LAMB3: variants seen among roughly 807,000 people sequenced by gnomAD.
The protein encoded by LAMB3 is laminin subunit beta 3.
Under a neutral mutation model 140.3 loss-of-function variants are expected in LAMB3, and 104 were observed. That is an observed-to-expected ratio of 0.74 (90% CI 0.63 to 0.87). The LOEUF (loss-of-function observed/expected upper bound fraction) is 0.87, where lower values mean the gene tolerates loss of function less well. LAMB3 is among the 40% of genes least tolerant of loss of function. The pLI is 0.00. For missense variants in LAMB3, 1,531 were observed against 1,575.2 expected, an observed-to-expected ratio of 0.97 and a Z score of 0.47; for synonymous variants, 592 against 602.9, an observed-to-expected ratio of 0.98 and a Z score of 0.26.
chr1:209,642,982 C>T (rs2076483098), intron 3 of LAMB3, among the ~76,000 whole-genome samples: 2 of 152,212 alleles, frequency 1.3e-5, no homozygotes, highest in African/African-American at 4.8e-5. Context: ...CAGATGGCAT[C>T]ATAGGCTTAC....
chr1:209,618,052 G>A lies in LAMB3; in HGVS notation c.2910-4C>T. On this transcript the variant is annotated splice_polypyrimidine_tract_variant and splice_region_variant and intron_variant, in intron 19 of 22. Transcript: ENST00000356082. ...CTCCACTGCATGGGCTCGGCTCCTG[G>A]GTGAGAGAAGCAGCAGGGAGAGGAG... 6.2e-7 allele frequency: 1 copy of A among 1,614,124 alleles called. No homozygotes were observed. The highest frequency in any genetic ancestry group is 8.5e-7 in the Non-Finnish European group (1 of 1,180,026).
chr1:209,630,389 G>A (rs1022656602), intron 9 of LAMB3, among the ~76,000 whole-genome samples: 1 of 152,246 alleles, frequency 6.6e-6, no homozygotes, highest in Non-Finnish European at 1.5e-5. Context: ...AGCAACTGGA[G>A]AGGCCAGAAG....
chr1:209,622,799 C>G, intron 17 of LAMB3, 119 bp from the exon 18 acceptor site: 1 of 1,427,686 alleles, frequency 7.0e-7, no homozygotes, highest in Admixed American at 1.7e-5. Context: ...TTGTAACCAA[C>G]CCAGCTTACA....
chr1:209,626,803 C>T, intron 13 of LAMB3, 64 bp downstream of exon 13: 1 of 1,208,706 alleles, frequency 8.3e-7, no homozygotes, highest in Non-Finnish European at 1.2e-6. Flanking sequence ...CACGCCCCCA[C>T]CATGTGCCCA....
At chr1:209,616,328 C>A in intron 22 of LAMB3, 143 bp downstream of exon 22, 1 of 950,552 alleles carries the variant, frequency 1.1e-6, no homozygotes. Flanking sequence ...CTCATACATG[C>A]TAGATGCCCA....
rs1184302215 is a variant in LAMB3 at position 209,618,441 on chromosome 1, C to T, written c.2909+11G>A. On this transcript the variant is annotated intron_variant, in intron 19 of 22. Transcript: ENST00000356082. ...CCTGGGCAGAGAGAAGTTCAGGGCC[C>T]AAGGCCATACCTGGCTTCCTCAGCC... 1.1e-5 allele frequency: 18 copies of T among 1,612,732 alleles called. No homozygotes were observed. Among genetic ancestry groups the T allele is most frequent in the African/African-American group, 4.0e-5 (3 of 74,932 alleles).
At position 209,623,634 on chromosome 1, in the gene LAMB3, C is replaced by T. The variant is rs1192819043; in HGVS notation, c.2229G>A (p.Arg743=). 6 of 1,614,098 alleles carry T rather than the reference C, an allele frequency of 3.7e-6. No individual in the cohort carries two copies. The African/African-American group carries it at 6.7e-5, about 18-fold the overall frequency. ...GCCTCTCTGCCTCTCTCCGGCTGTC[C>T]CTGAGCTGGTCCAAAAGGCGCGAGC... ...SDSSRLLDQL[R]DSRREAERLV... The change falls in exon 16 of 23, where the codon AGG becomes AGA. Residue 743 remains arginine, a synonymous_variant. Transcript: ENST00000356082. This position sits in a 1 kb window ranked among gnomAD's most constrained non-coding sequence, Gnocchi z 4.2.
At chr1:209,639,349 C>T (rs922418992) in intron 3 of LAMB3, among the ~76,000 whole-genome samples, 4 of 152,216 alleles carry the variant, frequency 2.6e-5, no homozygotes, top group Non-Finnish European at 5.9e-5. Flanking sequence ...ATTCTAGTGA[C>T]ATTCAAATGA....
Position 209,623,339 on chromosome 1 carries a change from T to C in LAMB3, c.2359-160A>G, listed in dbSNP as rs2102414765. On this transcript the variant is annotated intron_variant, in intron 16 of 22. Coordinates refer to ENST00000356082, the MANE Select transcript of LAMB3 (RefSeq NM_000228.3). The surrounding 1 kb of genome is among the most constrained non-coding windows in gnomAD (Gnocchi z 4.2). ...AGCTAAGGACCAGAAACTGGTTTCC[T>C]TGGCAACCACTGAGCTCACAGTGAG... 4 of 1,025,466 alleles carry C rather than the reference T, an allele frequency of 3.9e-6. No individual in the cohort carries two copies. In the Admixed American group the frequency reaches 5.9e-5, roughly 15 times the overall value. The allele number at this position is 1,025,466 out of a possible 1,614,324, so 63.5% of individuals were successfully genotyped here. A position where few individuals can be genotyped will look rare whatever the true frequency, so the allele number is the denominator to read the frequency against.
At chr1:209,638,474 C>T in intron 4 of LAMB3, 60 bp downstream of exon 4, 1 of 1,115,228 alleles carries the variant, frequency 9.0e-7, no homozygotes, top group East Asian at 2.3e-5. Context: ...GGGCACCTTC[C>T]ATCCGTCTTA....
intron 5 of LAMB3, among the ~76,000 whole-genome samples, chr1:209,637,638 A>G (rs1666934061): frequency 1.3e-5 from 2 of 152,206 alleles, no homozygotes; most frequent in African/African-American, 4.8e-5. Flanking sequence ...GCCCAGTAGA[A>G]TTGGTACTTG....
At chr1:209,647,531 C>T (rs1388044234) in intron 3 of LAMB3, among the ~76,000 whole-genome samples, 3 of 152,122 alleles carry the variant, frequency 2.0e-5, no homozygotes, top group Non-Finnish European at 2.9e-5. Context: ...GCTCAGGGCT[C>T]GCTATGTCAT....
chr1:209,634,279 G>A (rs942549576), intron 6 of LAMB3, among the ~76,000 whole-genome samples, 168 bp downstream of exon 6: 2 of 152,140 alleles, frequency 1.3e-5, no homozygotes, highest in Non-Finnish European at 2.9e-5. Flanking sequence ...AGCAGCAAAT[G>A]TTTTGAGGGT....
At chr1:209,628,011 T>C (rs541815029) in intron 11 of LAMB3, 24 bp downstream of exon 11, 52 of 1,584,972 alleles carry the variant, frequency 3.3e-5, no homozygotes, top group Admixed American at 2.6e-4. Flanking sequence ...CCCCACGTCA[T>C]GCTGGGCCAA....
chr1:209,631,315 C>T (rs988567287), intron 8 of LAMB3, among the ~76,000 whole-genome samples: 3 of 152,218 alleles, frequency 2.0e-5, no homozygotes, highest in Non-Finnish European at 4.4e-5. Context: ...GACAGCATAG[C>T]AAGATGAACT....
In LAMB3 at chr1:209,623,229, C is replaced by T; in HGVS notation, c.2359-50G>A. 1 of 1,577,358 alleles carries T rather than the reference C, an allele frequency of 6.3e-7. No individual in the cohort carries two copies. Among genetic ancestry groups the T allele is most frequent in the South Asian group, 1.1e-5 (1 of 89,510 alleles). On this transcript the variant is annotated intron_variant, in intron 16 of 22. Transcript: ENST00000356082. This position sits in a 1 kb window ranked among gnomAD's most constrained non-coding sequence, Gnocchi z 4.2. ...GAGGCTACCCAAAGCCCCTCAATAACCAATCCCACCCCACACCTGGGAAAC... is the reference window on the plus strand; with the variant it reads ...GAGGCTACCCAAAGCCCCTCAATAATCAATCCCACCCCACACCTGGGAAAC...
chr1:209,623,999 G>C lies in LAMB3; in HGVS notation c.1978C>G (p.Arg660Gly). The C allele has an allele frequency of 2.3e-5, 37 of 1,612,492 alleles. No individual in the cohort carries two copies. The highest frequency in any genetic ancestry group is 3.0e-5 in the Non-Finnish European group (35 of 1,179,904). ...TCCAGCTGCAGGCCCTGGAGAGTTCGCCTGAGAAGGGAGAGGAGCTTACAC... is the reference window on the plus strand; with the variant it reads ...TCCAGCTGCAGGCCCTGGAGAGTTCCCCTGAGAAGGGAGAGGAGCTTACAC... Reference protein sequence around the residue: ...QVASAILSLRRTLQGLQLDLP... With the variant: ...QVASAILSLRGTLQGLQLDLP... The change falls in exon 15 of 23, where the codon CGA (arginine) becomes GGA (glycine). Residue 660 changes from arginine (R) to glycine (G), a missense_variant and splice_region_variant. Transcript: ENST00000356082. The surrounding 1 kb of genome is among the most constrained non-coding windows in gnomAD (Gnocchi z 4.2).
At chr1:209,649,833 T>C (rs1306610412) in intron 3 of LAMB3, 131 bp downstream of exon 3, 5 of 1,018,662 alleles carry the variant, frequency 4.9e-6, no homozygotes, top group Non-Finnish European at 7.6e-6. Context: ...ATACTTTTAC[T>C]GCACTCCCCA....
intron 6 of LAMB3, 102 bp downstream of exon 6, chr1:209,634,345 G>C: frequency 8.3e-7 from 1 of 1,208,300 alleles, no homozygotes; most frequent in Non-Finnish European, 1.2e-6. Flanking sequence ...GGGAGCTGGC[G>C]AGGGTGTTTC....
Sources: allele counts gnomAD v4.1 joint callset (sites outside exome capture counted in the v4.1 genomes callset), GRCh38; gene constraint gnomAD v4.1.1; non-coding constraint Gnocchi (gnomAD v3.1); transcripts MANE v1.5; gene names NCBI Gene and HGNC (gene_info 2026-07-23, HGNC 2026-07-21).